The following XYLT1 variants were observed in gnomAD, a reference collection of about 807,000 sequenced individuals.
XYLT1 encodes xylosyltransferase 1.
A neutral mutation model predicts 91.3 loss-of-function variants in XYLT1; 36 were observed. That is an observed-to-expected ratio of 0.39 (90% CI 0.30 to 0.52). The LOEUF (loss-of-function observed/expected upper bound fraction) is 0.52, where lower values mean the gene tolerates loss of function less well. Ranked by LOEUF, XYLT1 falls within the 20% of genes least tolerant of loss-of-function variation. The pLI is 0.68. For synonymous variants in XYLT1, 588 were observed against 532.0 expected, an observed-to-expected ratio of 1.11 and a Z score of -1.45; for missense variants, 1,242 against 1,284.5, an observed-to-expected ratio of 0.97 and a Z score of 0.51.
intron 9 of XYLT1, among the ~76,000 whole-genome samples, chr16:17,133,489 G>A (rs2030578267): frequency 6.6e-6 from 1 of 152,204 alleles, no homozygotes; most frequent in South Asian, 2.1e-4. Context: ...TGAAGGGCCA[G>A]ATTAAGCAAA....
chr16:17,209,399 T>C (rs2032717347), intron 3 of XYLT1, among the ~76,000 whole-genome samples: 1 of 152,246 alleles, frequency 6.6e-6, no homozygotes, highest in Non-Finnish European at 1.5e-5. Flanking sequence ...TCCACTCATC[T>C]GTCAATGGAC....
At chr16:17,393,787 A>ATTT (rs1567186670) in intron 1 of XYLT1, among the ~76,000 whole-genome samples, 1 of 145,652 alleles carries the variant, frequency 6.9e-6, no homozygotes, top group Admixed American at 7.3e-5. Context: ...TATTATTATT[A>ATTT]TTTTTTGAGA....
At chr16:17,333,722 G>A (rs1370019589) in intron 2 of XYLT1, among the ~76,000 whole-genome samples, 1 of 151,634 alleles carries the variant, frequency 6.6e-6, no homozygotes, top group Non-Finnish European at 1.5e-5. Flanking sequence ...CAAGTAACTG[G>A]GATTACAGGC....
chr16:17,306,296 G>GT (rs1434502301), intron 2 of XYLT1, among the ~76,000 whole-genome samples: 2 of 152,104 alleles, frequency 1.3e-5, no homozygotes, highest in East Asian at 3.9e-4. Context: ...GATAATAAAT[G>GT]AGAGGAGAAA....
At chr16:17,286,415 C>A (rs2034141310) in intron 2 of XYLT1, among the ~76,000 whole-genome samples, 1 of 152,178 alleles carries the variant, frequency 6.6e-6, no homozygotes, top group African/African-American at 2.4e-5. Context: ...TGGACTGACT[C>A]ACCAATATAA....
chr16:17,328,663 G>T (rs1256864566), intron 2 of XYLT1, among the ~76,000 whole-genome samples: 1 of 151,228 alleles, frequency 6.6e-6, no homozygotes, highest in East Asian at 1.9e-4. Flanking sequence ...TTTTTAAAGG[G>T]ACTCCAGGGT....
chr16:17,264,611 C>A (rs1446758617), intron 2 of XYLT1, among the ~76,000 whole-genome samples: 3 of 152,202 alleles, frequency 2.0e-5, no homozygotes, highest in East Asian at 1.9e-4. Flanking sequence ...CTTCCCTTCA[C>A]AAAACCAATC....
In XYLT1 at chr16:17,416,990, T is replaced by C. The variant is rs544306418; in HGVS notation, c.363+53444A>G. On this transcript the variant is annotated intron_variant, in intron 1 of 11. Transcript: ENST00000261381. Reference sequence around the variant, plus strand: ...AACCAGGCAATGGTTTAGATCCATTTTGGACCCTTCACAATTCCCAGGACT... The same window carrying C: ...AACCAGGCAATGGTTTAGATCCATTCTGGACCCTTCACAATTCCCAGGACT... Among the ~76,000 whole-genome samples the C allele has an allele frequency of 2.0e-4, 30 of 152,272 alleles. No homozygotes were observed. In the South Asian group the frequency reaches 5.6e-3, roughly 28 times the overall value.
intron 3 of XYLT1, chr16:17,227,496 CTT>C (rs1234458484): frequency 6.6e-6 from 1 of 152,286 alleles, no homozygotes; most frequent in Non-Finnish European, 1.5e-5. Context: ...TCTCATCTCT[CTT>C]GTCAACCCAA....
At chr16:17,119,748 G>A (rs74010705) in intron 10 of XYLT1, among the ~76,000 whole-genome samples, 12,433 of 152,216 alleles carry the variant, frequency 0.082, 954 homozygotes, top group African/African-American at 0.2. Context: ...GAGATAACTC[G>A]CTATGGTCAG....
chr16:17,432,535 G>C (rs959908995), intron 1 of XYLT1, among the ~76,000 whole-genome samples: 1 of 152,124 alleles, frequency 6.6e-6, no homozygotes, highest in African/African-American at 2.4e-5. Flanking sequence ...AATGGACTCC[G>C]ATTGGCATAA....
intron 1 of XYLT1, among the ~76,000 whole-genome samples, chr16:17,437,971 T>C (rs1174962681): frequency 6.6e-6 from 1 of 152,188 alleles, no homozygotes; most frequent in East Asian, 1.9e-4. Flanking sequence ...GAACCAAAAT[T>C]ACAAACTATC....
chr16:17,314,250 C>G (rs949963521), intron 2 of XYLT1, among the ~76,000 whole-genome samples: 15 of 152,192 alleles, frequency 9.9e-5, no homozygotes, highest in African/African-American at 3.4e-4. Context: ...ACGTCACTGG[C>G]TCCCCAGCAG....
chr16:17,173,758 G>A (rs1395372429), intron 5 of XYLT1, among the ~76,000 whole-genome samples: 4 of 152,180 alleles, frequency 2.6e-5, no homozygotes, highest in Non-Finnish European at 5.9e-5. Flanking sequence ...ATCATCATTC[G>A]GCAAAAGGTG....
At position 17,435,627 on chromosome 16, in the gene XYLT1, A is replaced by C. The variant is rs954774241; in HGVS notation, c.363+34807T>G. Reference sequence around the variant, plus strand: ...CTTCCTGATGAGAAGGAAAAAAAAAAGTCTAAGGAGTCTTCATTGATTCAA... The same window carrying C: ...CTTCCTGATGAGAAGGAAAAAAAAACGTCTAAGGAGTCTTCATTGATTCAA... On this transcript the variant is annotated intron_variant, in intron 1 of 11. Coordinates refer to ENST00000261381, the MANE Select transcript of XYLT1 (RefSeq NM_022166.4). 2.6e-5 allele frequency among the ~76,000 whole-genome samples: 4 copies of C among 151,782 alleles called. No individual in the cohort carries two copies. In the East Asian group the frequency reaches 5.8e-4, roughly 22 times the overall value.
chr16:17,270,225 C>A (rs1377870275), intron 2 of XYLT1, among the ~76,000 whole-genome samples: 1 of 152,244 alleles, frequency 6.6e-6, no homozygotes, highest in Non-Finnish European at 1.5e-5. Flanking sequence ...TGTGCCCTTA[C>A]CCCTTTCATA....
intron 5 of XYLT1, among the ~76,000 whole-genome samples, chr16:17,172,208 CTTT>C (rs1043820033): frequency 6.6e-6 from 1 of 151,908 alleles, no homozygotes; most frequent in Admixed American, 6.6e-5. Flanking sequence ...TCCTCTCTCC[CTTT>C]TTTTTCTCTC....
chr16:17,401,962 C>A (rs185977043), intron 1 of XYLT1, among the ~76,000 whole-genome samples: 15 of 152,158 alleles, frequency 9.9e-5, no homozygotes, highest in Admixed American at 9.8e-4. Context: ...GTGAATTATG[C>A]GCTAATTAGC....
rs534585868 is a variant in XYLT1, at chr16:17,216,236, AGCGACTCATCTAT to A, written c.914-15595_914-15583del. On this transcript the variant is annotated intron_variant, in intron 3 of 11. Transcript: ENST00000261381. ...AATAAATACTGCCATGGAAAAACGC[AGCGACTCATCTAT>A]TTTTATTACAAATGGAGCCTCTCGA... Among the ~76,000 whole-genome samples the A allele has an allele frequency of 6.6e-4, 101 of 152,296 alleles. No individual in the cohort carries two copies. The East Asian group carries it at 0.014, about 21-fold the overall frequency.
Sources: allele counts gnomAD v4.1 joint callset (sites outside exome capture counted in the v4.1 genomes callset), GRCh38; gene constraint gnomAD v4.1.1; transcripts MANE v1.5; gene names NCBI Gene and HGNC (gene_info 2026-07-23, HGNC 2026-07-21).